Variants in OPLAH observed in about 807,000 individuals in gnomAD.
OPLAH encodes 5-oxoprolinase.
OPLAH carries 103 observed loss-of-function variants against 122.8 expected under a neutral mutation model. The ratio of observed to expected loss-of-function variants is 0.84; its 90% confidence interval spans 0.71 to 0.99. The LOEUF is 0.99. OPLAH is among the 50% of genes least tolerant of loss of function. The probability of loss-of-function intolerance (pLI) is 0.00; values close to 1 mark genes in which losing one functional copy is unlikely to be tolerated. For missense variants in OPLAH, 1,902 were observed against 1,836.5 expected, an observed-to-expected ratio of 1.04 and a Z score of -0.65; for synonymous variants, 875 against 796.0, an observed-to-expected ratio of 1.10 and a Z score of -1.67.
At chr8:144,062,405 G>T (rs1476006777), upstream of OPLAH, among the ~76,000 whole-genome samples, 7 of 152,100 alleles carry the variant, frequency 4.6e-5, no homozygotes, top group African/African-American at 1.7e-4. Context: ...CTGAGGCCCA[G>T]CTGAGGCCCC....
chr8:144,052,409 C>T (rs1554757900), intron 23 of OPLAH, 40 bp downstream of exon 23: 4 of 1,527,732 alleles, frequency 2.6e-6, no homozygotes, highest in Non-Finnish European at 3.5e-6. Context: ...AGCCTGCCCA[C>T]CCAGTCCGCC....
chr8:144,061,835 A>G (rs1339488062), upstream of OPLAH, among the ~76,000 whole-genome samples: 1 of 152,190 alleles, frequency 6.6e-6, no homozygotes, highest in Non-Finnish European at 1.5e-5. Flanking sequence ...ATCCTGGCCA[A>G]CATGGTAAAA....
upstream of OPLAH, among the ~76,000 whole-genome samples, chr8:144,062,866 G>A (rs561878112): frequency 3.3e-5 from 5 of 151,612 alleles, no homozygotes; most frequent in East Asian, 3.9e-4. Context: ...TCCCACTGCC[G>A]TGCACCTCCA....
intron 26 of OPLAH, 56 bp from the exon 27 acceptor site, chr8:144,051,528 T>A: frequency 7.4e-7 from 1 of 1,354,918 alleles, no homozygotes; most frequent in Non-Finnish European, 9.8e-7. Context: ...GGCCCCTCCC[T>A]GTCACCTGCG....
chr8:144,056,578 G>C (rs1554759176), intron 13 of OPLAH, 40 bp downstream of exon 13: 1 of 1,612,280 alleles, frequency 6.2e-7, no homozygotes, highest in East Asian at 2.2e-5. Context: ...CCAGACAGGA[G>C]GGCCCCTTGC....
rs782109874 is a variant in OPLAH, at chr8:144,053,015, T to A, written c.2986A>T (p.Ile996Phe). Residue 996 changes from isoleucine to phenylalanine, a missense_variant, in exon 21 of 27, where the codon ATC becomes TTC. Ile to Phe is a conservative substitution (Grantham distance 21). Coordinates refer to ENST00000618853, the MANE Select transcript of OPLAH (RefSeq NM_017570.5). The stretch of plus-strand genomic sequence containing the variant: ...AGGCTGATCTGCACACGGAGGCGGA[T>A]GGGGGAACCGTCGTCCATGTGGTCT... ...SEDHMDDGSPIRLRVQISLSQ... is the reference protein window; with the variant it reads ...SEDHMDDGSPFRLRVQISLSQ... 24 of 1,603,580 alleles carry A rather than the reference T, an allele frequency of 1.5e-5. No homozygotes were observed. The highest frequency in any genetic ancestry group is 2.0e-5 in the Non-Finnish European group (24 of 1,176,122).
chr8:144,055,839 GCTGGGGGCCCACTGTGC>G lies in OPLAH; in HGVS notation c.2180_2196del (p.Gly727AlafsTer18), dbSNP rs782757185. ...AAGATGGACAGCTGGATAGGGTCCA[GCTGGGGGCCCACTGTGC>G]CGGGGACTTCGGCCCCCACGGAGAT... On this transcript the variant is annotated frameshift_variant, in exon 16 of 27. Transcript: ENST00000618853. LOFTEE classifies it high-confidence loss of function. The surrounding 1 kb of genome is among the most constrained non-coding windows in gnomAD (Gnocchi z 6.5). The G allele has an allele frequency of 2.9e-5, 46 of 1,574,270 alleles. No individual in the cohort carries two copies. The highest frequency in any genetic ancestry group is 4.0e-5 in the Non-Finnish European group (46 of 1,160,754).
chr8:144,051,441 C>A lies in OPLAH; in HGVS notation c.3752G>T (p.Gly1251Val). ...GGGGTCCTCCGGGTCCCCATAGCCA[C>A]CGCCGCCGGGCGTGTGGAGACAGAA... ...DVFCLHTPGGGGYGDPEDPAP... is the reference protein window; with the variant it reads ...DVFCLHTPGGVGYGDPEDPAP... Residue 1251 changes from glycine to valine, a missense_variant, in exon 27 of 27, where the codon GGT (glycine) becomes GTT (valine). Gly to Val is a moderately radical substitution (Grantham distance 109). Transcript: ENST00000618853. 6.4e-7 allele frequency: 1 copy of A among 1,559,412 alleles called. No homozygotes were observed. The highest frequency in any genetic ancestry group is 8.6e-7 in the Non-Finnish European group (1 of 1,159,218).
chr8:144,056,810 C>T, intron 12 of OPLAH, 55 bp from the exon 13 acceptor site: 1 of 1,547,348 alleles, frequency 6.5e-7, no homozygotes, highest in African/African-American at 1.4e-5. Context: ...GACCCCACCC[C>T]ACCCAGCGCC....
At position 144,051,482 on chromosome 8, in the gene OPLAH, C is replaced by CG. The variant is rs782568024; in HGVS notation, c.3721-11dup. The stretch of plus-strand genomic sequence containing the variant: ...GGAGACAGAACACATCCTGTTGGCG[C>CG]GGGGGGGGGCGGGGAGGCGGGCTCA... On this transcript the variant is annotated splice_polypyrimidine_tract_variant and intron_variant, in intron 26 of 26. Transcript: ENST00000618853. The CG allele has an allele frequency of 0.093, 24,692 of 265,872 alleles. 187 individuals carry two copies. Among genetic ancestry groups the CG allele is most frequent in the African/African-American group, 0.15 (1,573 of 10,370 alleles). 16.5% of individuals were successfully genotyped at this position (265,872 alleles called of 1,614,324 possible).
downstream of OPLAH, chr8:144,050,366 C>G (rs1487237774): frequency 1.5e-5 from 14 of 964,586 alleles, no homozygotes; most frequent in Non-Finnish European, 1.5e-5. Flanking sequence ...AAGTTTGGGG[C>G]CGAGAAGTTT....
chr8:144,059,949 C>A lies in OPLAH; in HGVS notation c.84G>T (p.Gly28=), dbSNP rs1346454447. The A allele has an allele frequency of 5.6e-6, 9 of 1,612,464 alleles. No individual in the cohort carries two copies. Among genetic ancestry groups the A allele is most frequent in the Non-Finnish European group, 6.8e-6 (8 of 1,179,688 alleles). ...AGAGCAGTTTTAAGACCCGCACGTG[C>A]CCCCCTGGGCACTGGGCAAAGACGT... ...FTDVFAQCPG[G]HVRVLKLLSE... is the part of the protein sequence containing the mutation. Residue 28 remains glycine, a synonymous_variant, in exon 2 of 27, where the codon GGG becomes GGT. Coordinates refer to ENST00000618853, the MANE Select transcript of OPLAH (RefSeq NM_017570.5).
Position 144,058,344 on chromosome 8 carries a change from C to G in OPLAH, c.844G>C (p.Gly282Arg), listed in dbSNP as rs782203973. The part of the protein sequence containing the change: ...GGLAPMDTFS[G>R]SSAVLSGPAG... ...GGGCCCGAGAGCACAGCACTGGAGC[C>G]GCTGAAGGTGTCCATGGGCGCCAGG... Residue 282 changes from glycine (G) to arginine (R), a missense_variant, in exon 7 of 27, where the codon GGC becomes CGC. Physicochemically the swap from Gly to Arg is moderately radical, Grantham distance 125 (BLOSUM62 -2). Transcript: ENST00000618853. 1 of 1,597,922 alleles carries G rather than the reference C, an allele frequency of 6.3e-7. No homozygotes were observed. Among genetic ancestry groups the G allele is most frequent in the Non-Finnish European group, 8.5e-7 (1 of 1,174,882 alleles).
chr8:144,059,160 A>AG, intron 3 of OPLAH, 81 bp from the exon 4 acceptor site: 3 of 1,163,218 alleles, frequency 2.6e-6, no homozygotes, highest in Non-Finnish European at 3.7e-6. Flanking sequence ...GGTACAGGTG[A>AG]GTGGCTGTGT....
intron 19 of OPLAH, 117 bp downstream of exon 19, chr8:144,054,444 G>T: frequency 8.8e-7 from 1 of 1,138,786 alleles, no homozygotes; most frequent in Non-Finnish European, 1.2e-6. Context: ...TCTCCTCCCA[G>T]CCTCAAGGCA....
intron 22 of OPLAH, 38 bp downstream of exon 22, chr8:144,052,728 G>T (rs781832807): frequency 1.9e-6 from 3 of 1,555,358 alleles, no homozygotes; most frequent in Admixed American, 1.9e-5. Flanking sequence ...GGGTGACCTC[G>T]GGCTGGGGCC....
chr8:144,053,422 C>T (rs782533370), intron 19 of OPLAH, 29 bp from the exon 20 acceptor site: 9 of 1,574,282 alleles, frequency 5.7e-6, no homozygotes, highest in Non-Finnish European at 7.8e-6. Context: ...CACTGAGCCC[C>T]TGGCCAACCC....
In OPLAH at chr8:144,058,623, G is replaced by A. The variant is rs1554760089; in HGVS notation, c.656C>T (p.Ser219Phe). 6.2e-7 allele frequency: 1 copy of A among 1,603,382 alleles called. No homozygotes were observed. Among genetic ancestry groups the A allele is most frequent in the Non-Finnish European group, 8.5e-7 (1 of 1,179,092 alleles). Residue 219 changes from serine (S) to phenylalanine (F), a missense_variant, in exon 6 of 27, where the codon TCC (serine) becomes TTC (phenylalanine). By Grantham distance (155) the Ser-to-Phe change is radical (BLOSUM62 -2). This residue lies in a region of OPLAH where 1,726 missense variants were observed against 1,642.1 expected (regional missense o/e 1.05). Coordinates refer to ENST00000618853, the MANE Select transcript of OPLAH (RefSeq NM_017570.5). ...RELGFTHVSLSSEAMPMVRIV... is the reference protein window; with the variant it reads ...RELGFTHVSLFSEAMPMVRIV... ...GCGCACCATGGGCATGGCCTCCGAGGACAGTGACACGTGCGTGAAGCCCAG... is the reference window on the plus strand; with the variant it reads ...GCGCACCATGGGCATGGCCTCCGAGAACAGTGACACGTGCGTGAAGCCCAG...
rs781993814 is a variant in OPLAH at position 144,058,308 on chromosome 8, C to T, written c.880G>A (p.Val294Met). 9 of 1,605,370 alleles carry T rather than the reference C, an allele frequency of 5.6e-6. No individual in the cohort carries two copies. The highest frequency in any genetic ancestry group is 5.3e-5 in the African/African-American group (4 of 74,772). Residue 294 changes from valine (V) to methionine (M), a missense_variant, in exon 7 of 27, where the codon GTG becomes ATG. This residue lies in a region of OPLAH where 1,726 missense variants were observed against 1,642.1 expected (regional missense o/e 1.05). Transcript: ENST00000618853. Reference protein sequence around the residue: ...SAVLSGPAGGVVGYSATTYQQ... With the variant: ...SAVLSGPAGGMVGYSATTYQQ... ...TAGGTGGTGGCTGAGTAGCCCACCACGCCGCCGGCCGGGCCCGAGAGCACA... is the reference window on the plus strand; with the variant it reads ...TAGGTGGTGGCTGAGTAGCCCACCATGCCGCCGGCCGGGCCCGAGAGCACA...
Sources: allele counts gnomAD v4.1 joint callset (sites outside exome capture counted in the v4.1 genomes callset), GRCh38; gene constraint gnomAD v4.1.1; regional missense constraint gnomAD v4.1.1; non-coding constraint Gnocchi (gnomAD v3.1); transcripts MANE v1.5; gene names NCBI Gene and HGNC (gene_info 2026-07-23, HGNC 2026-07-21).